ERI1: variants seen among roughly 807,000 people sequenced by gnomAD.
The protein encoded by ERI1 is exoribonuclease 1, also known as 3'-5' exoribonuclease 1.
A neutral mutation model predicts 39.7 loss-of-function variants in ERI1; 39 were observed. The observed-to-expected ratio is 0.98, with a 90% CI of 0.76 to 1.28. The LOEUF (loss-of-function observed/expected upper bound fraction) is 1.28, where lower values mean the gene tolerates loss of function less well. Ranked by LOEUF, ERI1 falls within the 50% of genes most tolerant of loss-of-function variation. ERI1 has a pLI of 0.00. For synonymous variants in ERI1, 204 were observed against 149.6 expected, an observed-to-expected ratio of 1.36 and a Z score of -2.65; for missense variants, 581 against 416.9, an observed-to-expected ratio of 1.39 and a Z score of -3.43.
chr8:9,023,152 A>C (rs778030978), intron 6 of ERI1, among the ~76,000 whole-genome samples: 1 of 152,020 alleles, frequency 6.6e-6, no homozygotes, highest in Non-Finnish European at 1.5e-5. Flanking sequence ...ATGTTAATAC[A>C]TCTCTTTAGT....
At position 9,032,277 on chromosome 8, in the gene ERI1, A is replaced by G. The variant is rs892407934; in HGVS notation, c.*2243A>G. 1.3e-5 allele frequency: 2 copies of G among 150,232 alleles called. No individual in the cohort carries two copies. The highest frequency in any genetic ancestry group is 6.6e-5 in the Admixed American group (1 of 15,218). 9.3% of individuals were successfully genotyped at this position (150,232 alleles called of 1,614,324 possible). ...TTAGTATATTCTATTATTGTTTCTT[A>G]TTAATAGTTACTTAGTATTTACAAA... On this transcript the variant is annotated 3_prime_UTR_variant, in exon 7 of 7. Transcript: ENST00000250263.
chr8:9,023,216 T>A (rs1585219487), intron 6 of ERI1, among the ~76,000 whole-genome samples: 2 of 152,318 alleles, frequency 1.3e-5, no homozygotes, highest in South Asian at 4.1e-4. Flanking sequence ...TTTATTCTTT[T>A]AAGAAACTGA....
downstream of ERI1, among the ~76,000 whole-genome samples, chr8:9,034,226 A>G (rs548107539): frequency 6.6e-6 from 1 of 152,384 alleles, no homozygotes; most frequent in South Asian, 2.1e-4. Flanking sequence ...TCTACTTGCA[A>G]GTGAATGTTC....
At chr8:9,069,309 T>C (rs1019028475) in intron 3 of ERI1, among the ~76,000 whole-genome samples, 21 of 152,344 alleles carry the variant, frequency 1.4e-4, no homozygotes, top group Non-Finnish European at 2.4e-4. Flanking sequence ...GTTAATATGA[T>C]AGGAAAAATT....
At chr8:9,024,024 A>G (rs1202127971) in intron 6 of ERI1, among the ~76,000 whole-genome samples, 1 of 152,008 alleles carries the variant, frequency 6.6e-6, no homozygotes, top group Non-Finnish European at 1.5e-5. Flanking sequence ...CTGGTCTTGA[A>G]GTCCCAACCT....
chr8:9,087,337 C>A (rs1241822996), intron 3 of ERI1, among the ~76,000 whole-genome samples: 2 of 151,662 alleles, frequency 1.3e-5, no homozygotes, highest in Non-Finnish European at 2.9e-5. Context: ...TCTCCGCCTC[C>A]CGGGTTGAAG....
At chr8:9,039,723 A>G (rs1006889852) in intron 3 of ERI1, among the ~76,000 whole-genome samples, 1 of 152,170 alleles carries the variant, frequency 6.6e-6, no homozygotes, top group Non-Finnish European at 1.5e-5. Context: ...TTTTACTAGG[A>G]TTACGCTTTT....
chr8:9,022,082 C>T (rs920926939), intron 6 of ERI1, among the ~76,000 whole-genome samples: 2 of 151,676 alleles, frequency 1.3e-5, no homozygotes, highest in African/African-American at 4.8e-5. Flanking sequence ...AATAGTTTTC[C>T]AATGGAATTG....
chr8:9,031,030 A>C lies in ERI1; in HGVS notation c.*996A>C, dbSNP rs960643470. On this transcript the variant is annotated 3_prime_UTR_variant, in exon 7 of 7. Transcript: ENST00000250263. The stretch of plus-strand genomic sequence containing the variant: ...TATTGAGTAATTCTTAACTAATTCT[A>C]AAAACTAAAATGTGCATTTCGACTT... The C allele has an allele frequency of 6.6e-6, 1 of 152,194 alleles. No homozygotes were observed. Among genetic ancestry groups the C allele is most frequent in the African/African-American group, 2.4e-5 (1 of 41,444 alleles). The allele number at this position is 152,194 out of a possible 1,614,324, so 9.4% of individuals were successfully genotyped here. A position where few individuals can be genotyped will look rare whatever the true frequency, so the allele number is the denominator to read the frequency against.
intron 3 of ERI1, among the ~76,000 whole-genome samples, chr8:9,088,904 A>G (rs534761930): frequency 3.3e-5 from 5 of 152,302 alleles, no homozygotes; most frequent in Non-Finnish European, 7.3e-5. Context: ...GGGTGAGTTA[A>G]TAGGTTCACT....
chr8:9,065,589 G>A (rs1056706592), intron 3 of ERI1, among the ~76,000 whole-genome samples: 1 of 151,908 alleles, frequency 6.6e-6, no homozygotes, highest in South Asian at 2.1e-4. Flanking sequence ...CAGCTACTCG[G>A]GAGGCTGAGG....
chr8:9,093,599 ACT>A (rs905848295), intron 3 of ERI1, among the ~76,000 whole-genome samples: 6 of 151,956 alleles, frequency 3.9e-5, no homozygotes, highest in Admixed American at 2.0e-4. Flanking sequence ...ACGGAATCTC[ACT>A]CTGTCACCCA....
chr8:9,023,992 G>C (rs186099508), intron 6 of ERI1, among the ~76,000 whole-genome samples: 347 of 151,854 alleles, frequency 2.3e-3, no homozygotes, highest in Non-Finnish European at 3.4e-3. Context: ...AGTAGAGACG[G>C]GGTTTCACCA....
rs1342497586 is a variant in ERI1 at position 9,032,688 on chromosome 8, C to G, written c.*2654C>G. 1 of 152,138 alleles carries G rather than the reference C, an allele frequency of 6.6e-6. No homozygotes were observed. Among genetic ancestry groups the G allele is most frequent in the East Asian group, 1.9e-4 (1 of 5,196 alleles). 9.4% of individuals were successfully genotyped at this position (152,138 alleles called of 1,614,324 possible). A position where few individuals can be genotyped will look rare whatever the true frequency, so the allele number is the denominator to read the frequency against. On this transcript the variant is annotated 3_prime_UTR_variant, in exon 7 of 7. Transcript: ENST00000250263. ...TGTGACCAGTTGACTTTTAGTATATCATCCCAAGTATTATCCCCAAAATGA... is the reference window on the plus strand; with the variant it reads ...TGTGACCAGTTGACTTTTAGTATATGATCCCAAGTATTATCCCCAAAATGA...
Position 9,030,108 on chromosome 8 carries a change from T to G in ERI1, c.*74T>G, listed in dbSNP as rs1235319092. 6 of 1,572,352 alleles carry G rather than the reference T, an allele frequency of 3.8e-6. No homozygotes were observed. Among genetic ancestry groups the G allele is most frequent in the Admixed American group, 1.7e-5 (1 of 58,480 alleles). Reference sequence around the variant, plus strand: ...TAGCAGATGAATCTCATTGAATTAGTCCTGTAGTGCAAACTTTAAGCACCT... The same window carrying G: ...TAGCAGATGAATCTCATTGAATTAGGCCTGTAGTGCAAACTTTAAGCACCT... On this transcript the variant is annotated 3_prime_UTR_variant, in exon 7 of 7. Coordinates refer to ENST00000250263, the MANE Select transcript of ERI1 (RefSeq NM_153332.4).
intron 6 of ERI1, among the ~76,000 whole-genome samples, chr8:9,027,145 GTGTA>G (rs746808631): frequency 0.028 from 3,449 of 124,852 alleles, 90 homozygotes; most frequent in African/African-American, 0.091. Flanking sequence ...TGGTGTGTGT[GTGTA>G]TGTGTGTGTG....
intron 3 of ERI1, among the ~76,000 whole-genome samples, chr8:9,060,105 C>G (rs985202418): frequency 2.0e-5 from 3 of 152,188 alleles, no homozygotes; most frequent in Non-Finnish European, 2.9e-5. Flanking sequence ...GTCCGTTCTA[C>G]CTTTCCTGAA....
At chr8:9,022,774 A>G (rs777177520) in intron 6 of ERI1, among the ~76,000 whole-genome samples, 5 of 152,172 alleles carry the variant, frequency 3.3e-5, no homozygotes, top group Non-Finnish European at 5.9e-5. Flanking sequence ...GAAAATTTCA[A>G]ACATAACAGA....
intron 3 of ERI1, chr8:9,049,890 G>C (rs1288831343): frequency 6.6e-6 from 1 of 152,266 alleles, no homozygotes; most frequent in Non-Finnish European, 1.5e-5. Context: ...GCCCAGAGAA[G>C]GCAATTTGAG....
Sources: gnomAD v4.1 joint callset for allele counts (sites outside exome capture counted in the v4.1 genomes callset) on GRCh38, gnomAD v4.1.1 for gene constraint, MANE v1.5 for transcripts, NCBI Gene and HGNC (gene_info 2026-07-23, HGNC 2026-07-21) for gene names.